The following SMYD3 variants were observed in gnomAD, a reference collection of about 807,000 sequenced individuals.
The protein encoded by SMYD3 is SET and MYND domain containing 3.
A neutral mutation model predicts 57.7 loss-of-function variants in SMYD3; 36 were observed. The observed-to-expected ratio is 0.62, with a 90% confidence interval of 0.48 to 0.82. SMYD3 has a LOEUF of 0.82. Among genes scored for constraint, SMYD3 ranks in the 40% least tolerant of loss-of-function variants. SMYD3 has a pLI of 0.00. For missense variants in SMYD3, 515 were observed against 538.8 expected (o/e 0.96, Z 0.44); for synonymous variants, 211 against 195.0 (o/e 1.08, Z -0.68).
rs76336267 is a variant in SMYD3, at chr1:245,875,464, C to T, written c.814-11578G>A. Among the ~76,000 whole-genome samples, 531 of 152,262 alleles carry T rather than the reference C, an allele frequency of 3.5e-3. 7 individuals carry two copies. The East Asian group carries it at 0.047, about 13-fold the overall frequency. ...ACTACCAGAGAACTGCTCACTGAGC[C>T]GCCTGAGTCGTGCACATCTTCCATT... On this transcript the variant is annotated intron_variant, in intron 8 of 11. Transcript: ENST00000490107.
At chr1:246,266,622 C>T (rs1220781041) in intron 5 of SMYD3, among the ~76,000 whole-genome samples, 1 of 151,914 alleles carries the variant, frequency 6.6e-6, no homozygotes, top group Non-Finnish European at 1.5e-5. Flanking sequence ...GTCTCTGAAA[C>T]AGTAATGAGA....
chr1:246,344,414 T>C (rs1572401899), intron 2 of SMYD3, among the ~76,000 whole-genome samples: 1 of 152,232 alleles, frequency 6.6e-6, no homozygotes, highest in Admixed American at 6.5e-5. Flanking sequence ...TTCACTAACG[T>C]TGCGGCATGC....
At chr1:245,756,656 G>A (rs2045616954) in intron 11 of SMYD3, among the ~76,000 whole-genome samples, 1 of 152,024 alleles carries the variant, frequency 6.6e-6, no homozygotes, top group East Asian at 1.9e-4. Flanking sequence ...CAAGCTTTGG[G>A]TTAACAGTTC....
intron 5 of SMYD3, among the ~76,000 whole-genome samples, chr1:246,231,667 C>T (rs535107470): frequency 3.9e-5 from 6 of 152,196 alleles, no homozygotes; most frequent in East Asian, 1.9e-4. Context: ...CATTTCAAAA[C>T]TGCTTTAACT....
At chr1:245,897,857 C>T (rs940929718) in intron 8 of SMYD3, among the ~76,000 whole-genome samples, 6 of 151,912 alleles carry the variant, frequency 3.9e-5, no homozygotes, top group African/African-American at 1.2e-4. Flanking sequence ...TGAGATTGTG[C>T]CACTGCACTG....
chr1:246,180,714 G>C lies in SMYD3; in HGVS notation c.531+146487C>G, dbSNP rs180739555. 1.2e-4 allele frequency among the ~76,000 whole-genome samples: 15 copies of C among 129,732 alleles called. No homozygotes were observed. The East Asian group carries it at 4.1e-3, about 35-fold the overall frequency. 85.1% of individuals were successfully genotyped at this position (129,732 alleles called of 152,430 possible). A position where few individuals can be genotyped will look rare whatever the true frequency, so the allele number is the denominator to read the frequency against. On this transcript the variant is annotated intron_variant, in intron 5 of 11. Coordinates refer to ENST00000490107, the MANE Select transcript of SMYD3 (RefSeq NM_001167740.2). ...GCAGTGCTTGCAGTGAGCTGAGATC[G>C]CACCACCACACTCCAAGCCTGGGCA...
intron 5 of SMYD3, among the ~76,000 whole-genome samples, chr1:246,323,814 A>G (rs1309853618): frequency 1.3e-5 from 2 of 148,362 alleles, no homozygotes; most frequent in African/African-American, 5.1e-5. Context: ...AAGCAAATTC[A>G]GATTCAACTA....
At chr1:246,503,671 A>C (rs969566770) in intron 1 of SMYD3, among the ~76,000 whole-genome samples, 4 of 152,224 alleles carry the variant, frequency 2.6e-5, no homozygotes, top group Admixed American at 2.6e-4. Flanking sequence ...GGACAATATA[A>C]GTGATTTCAG....
chr1:246,377,278 TTA>T (rs139113235), intron 1 of SMYD3, among the ~76,000 whole-genome samples: 21,846 of 152,116 alleles, frequency 0.14, 2,127 homozygotes, highest in East Asian at 0.42. Context: ...CTAATTTTTT[TTA>T]TGTTTCTTCA....
chr1:245,884,792 C>CCAATCAGCACTCTGTAAAAT (rs59971082), intron 8 of SMYD3, among the ~76,000 whole-genome samples: 146,682 of 147,256 alleles, frequency 1, 73,069 homozygotes, highest in South Asian at 1. Context: ...GGATTGTAAA[C>CCAATCAGCACTCTGTAAAAT]GGACCAATCA....
At chr1:246,400,486 C>T (rs1284653760) in intron 1 of SMYD3, among the ~76,000 whole-genome samples, 3 of 152,328 alleles carry the variant, frequency 2.0e-5, no homozygotes, top group East Asian at 3.9e-4. Context: ...TCCTCCCGCC[C>T]GAGCCTCCCA....
intron 5 of SMYD3, among the ~76,000 whole-genome samples, chr1:246,209,707 C>T (rs1304983740): frequency 6.6e-6 from 1 of 152,132 alleles, no homozygotes; most frequent in Non-Finnish European, 1.5e-5. Flanking sequence ...GAGATCAAGA[C>T]TTGGGTACTT....
intron 1 of SMYD3, among the ~76,000 whole-genome samples, chr1:246,448,842 A>T (rs2067590163): frequency 6.6e-6 from 1 of 152,016 alleles, no homozygotes; most frequent in Admixed American, 6.6e-5. Context: ...CTAATCACAC[A>T]GGTTGCTATG....
intron 5 of SMYD3, among the ~76,000 whole-genome samples, chr1:246,287,445 G>A (rs2064592272): frequency 6.6e-6 from 1 of 152,156 alleles, no homozygotes; most frequent in Non-Finnish European, 1.5e-5. Context: ...CATCTGTTAA[G>A]TTAGGACTCC....
chr1:246,287,391 C>A (rs2148586269), intron 5 of SMYD3, among the ~76,000 whole-genome samples: 1 of 152,230 alleles, frequency 6.6e-6, no homozygotes, highest in East Asian at 1.9e-4. Context: ...TGAATGTAAT[C>A]ACTATTTAAT....
At chr1:246,434,982 T>TA (rs2067349533) in intron 1 of SMYD3, among the ~76,000 whole-genome samples, 1 of 152,072 alleles carries the variant, frequency 6.6e-6, no homozygotes, top group African/African-American at 2.4e-5. Flanking sequence ...TACTTAGCCA[T>TA]AAAAAAAGAA....
intron 1 of SMYD3, among the ~76,000 whole-genome samples, chr1:246,414,511 G>T (rs185726525): frequency 1.3e-5 from 2 of 152,028 alleles, no homozygotes; most frequent in Non-Finnish European, 2.9e-5. Flanking sequence ...GATTTAGAAT[G>T]CATGGTGTCA....
At chr1:245,874,955 T>C (rs1020813954) in intron 8 of SMYD3, among the ~76,000 whole-genome samples, 11 of 152,204 alleles carry the variant, frequency 7.2e-5, no homozygotes, top group African/African-American at 2.7e-4. Flanking sequence ...TACAGCTCTT[T>C]TGTGCCTCAC....
chr1:246,301,181 A>G (rs2064887062), intron 5 of SMYD3, among the ~76,000 whole-genome samples: 2 of 152,214 alleles, frequency 1.3e-5, no homozygotes, highest in South Asian at 4.1e-4. Context: ...GAAAATCTGA[A>G]CAAAGTCTAA....
Sources: gnomAD v4.1 joint callset for allele counts (sites outside exome capture counted in the v4.1 genomes callset) on GRCh38, gnomAD v4.1.1 for gene constraint, MANE v1.5 for transcripts, NCBI Gene and HGNC (gene_info 2026-07-23, HGNC 2026-07-21) for gene names.